Variants in CTPS2 observed in about 807,000 individuals in gnomAD.
CTPS2 encodes the protein CTP synthase II.
CTPS2 carries 19 observed loss-of-function variants against 46.8 expected under a neutral mutation model. The observed-to-expected ratio is 0.41, with a 90% CI of 0.28 to 0.60. CTPS2 has a LOEUF of 0.60. Ranked by LOEUF, CTPS2 falls within the 20% of genes least tolerant of loss-of-function variation. CTPS2 has a pLI of 0.35. For missense variants in CTPS2, 286 were observed against 447.6 expected (o/e 0.64, Z 3.26); for synonymous variants, 151 against 165.2 (o/e 0.91, Z 0.66).
intron 10 of CTPS2, among the ~76,000 whole-genome samples, chrX:16,674,644 C>T (rs1922082166): frequency 9.5e-6 from 1 of 104,815 alleles, no homozygotes. Flanking sequence ...CGAGACCATC[C>T]TGGCTAACAC....
intron 9 of CTPS2, among the ~76,000 whole-genome samples, chrX:16,681,803 C>G (rs1922767503): frequency 8.9e-6 from 1 of 111,832 alleles, no homozygotes; most frequent in South Asian, 3.7e-4. Flanking sequence ...CCTGGCTCAG[C>G]CTCCCAAAGG....
rs371933026 is a variant in CTPS2, at chrX:16,684,469, A to C, written c.873-1243T>G. Among the ~76,000 whole-genome samples the C allele has an allele frequency of 2.9e-5, 3 of 101,702 alleles. No individual in the cohort carries two copies. In the East Asian group the frequency reaches 9.3e-4, roughly 31 times the overall value. 88.3% of individuals were successfully genotyped at this position (101,702 alleles called of 115,157 possible). ...GGTTGCAGTGAGCCGAGATCGCACC[A>C]CTGCACTCCAGCCTAGGCCACAGAG... On this transcript the variant is annotated intron_variant, in intron 8 of 18. Transcript: ENST00000359276.
chrX:16,626,146 C>G (rs966211389), intron 14 of CTPS2, among the ~76,000 whole-genome samples: 2 of 111,176 alleles, frequency 1.8e-5, no homozygotes, highest in Non-Finnish European at 3.8e-5. Context: ...CTTTGGGAGA[C>G]CAAGGGGGGC....
chrX:16,702,032 G>A (rs1287439649), intron 2 of CTPS2, among the ~76,000 whole-genome samples: 2 of 110,349 alleles, frequency 1.8e-5, no homozygotes, highest in Non-Finnish European at 3.8e-5. Context: ...TTGGGGGTTG[G>A]TTTTTTGTTG....
chrX:16,654,662 TAGACATACC>T, intron 13 of CTPS2: 1 of 344,268 alleles, frequency 2.9e-6, no homozygotes, highest in Non-Finnish European at 5.1e-6. Context: ...AAGAAATTAT[TAGACATACC>T]TTACTTTGTT....
At chrX:16,597,887 T>C (rs1406272134) in intron 17 of CTPS2, among the ~76,000 whole-genome samples, 1 of 108,509 alleles carries the variant, frequency 9.2e-6, no homozygotes, top group Non-Finnish European at 1.9e-5. Context: ...TGGTTTGTAG[T>C]TCTCCTTGAA....
chrX:16,700,493 C>A (rs1418164345), intron 2 of CTPS2, among the ~76,000 whole-genome samples: 2 of 101,803 alleles, frequency 2.0e-5, no homozygotes, highest in Non-Finnish European at 4.0e-5. Context: ...ACCTGGGAGG[C>A]GGAGGTTGCA....
chrX:16,698,556 GTTTT>G (rs10604869), intron 3 of CTPS2, among the ~76,000 whole-genome samples: 2 of 104,826 alleles, frequency 1.9e-5, no homozygotes, highest in Admixed American at 1.0e-4. Context: ...GCTTTGTTTT[GTTTT>G]TTTTTTTTAA....
chrX:16,597,387 G>A (rs1231690629), intron 17 of CTPS2, among the ~76,000 whole-genome samples: 1 of 112,078 alleles, frequency 8.9e-6, no homozygotes, highest in Non-Finnish European at 1.9e-5. Flanking sequence ...GTAAGGAAGG[G>A]ATCCAGTTTC....
At chrX:16,688,058 C>T (rs953096344) in intron 8 of CTPS2, among the ~76,000 whole-genome samples, 3 of 111,123 alleles carry the variant, frequency 2.7e-5, no homozygotes, top group Non-Finnish European at 5.7e-5. Flanking sequence ...CACCTACTGG[C>T]GCTCACCTAA....
chrX:16,637,688 T>C (rs1402049918), intron 14 of CTPS2, among the ~76,000 whole-genome samples: 2 of 112,278 alleles, frequency 1.8e-5, no homozygotes, highest in Non-Finnish European at 3.8e-5. Flanking sequence ...CAAAGTTTCA[T>C]AGAATCTGAA....
chrX:16,600,358 G>A (rs1475814030), intron 17 of CTPS2, among the ~76,000 whole-genome samples: 5 of 111,701 alleles, frequency 4.5e-5, no homozygotes, highest in East Asian at 2.8e-4. Context: ...ATTAAAATCC[G>A]TTTCCTGTGA....
In CTPS2 at chrX:16,674,667, T is replaced by G. The variant is rs1421341533; in HGVS notation, c.1094+3695A>C. ...TCCTGGCTAACACGGTGAAACCCCG[T>G]CTCTACTAAAAATACAAAAAATTAG... On this transcript the variant is annotated intron_variant, in intron 10 of 18. Coordinates refer to ENST00000359276, the MANE Select transcript of CTPS2 (RefSeq NM_175859.3). Among the ~76,000 whole-genome samples, 5 of 103,890 alleles carry G rather than the reference T, an allele frequency of 4.8e-5. No individual in the cohort carries two copies. The East Asian group carries it at 1.3e-3, about 27-fold the overall frequency. The allele number at this position is 103,890 out of a possible 115,157, so 90.2% of individuals were successfully genotyped here. A position where few individuals can be genotyped will look rare whatever the true frequency, so the allele number is the denominator to read the frequency against.
At chrX:16,663,979 G>A (rs1331051910) in intron 13 of CTPS2, among the ~76,000 whole-genome samples, 1 of 110,735 alleles carries the variant, frequency 9.0e-6, no homozygotes, top group Non-Finnish European at 1.9e-5. Context: ...GGGACTACAG[G>A]CGCGTGCCAC....
At chrX:16,641,961 T>C (rs957789159) in intron 13 of CTPS2, among the ~76,000 whole-genome samples, 3 of 111,438 alleles carry the variant, frequency 2.7e-5, no homozygotes, top group Non-Finnish European at 5.6e-5. Context: ...AAGAATACTA[T>C]GAGATTATTT....
At chrX:16,591,038 A>G (rs953373829) in intron 17 of CTPS2, 176 bp from the exon 18 acceptor site, 8 of 334,773 alleles carry the variant, frequency 2.4e-5, no homozygotes, top group South Asian at 8.9e-5. Context: ...ATCACATGCA[A>G]TGGCCTCTTT....
intron 17 of CTPS2, 117 bp downstream of exon 17, chrX:16,609,423 GA>G (rs1930151365): frequency 2.7e-6 from 2 of 741,761 alleles, no homozygotes; most frequent in Admixed American, 6.3e-5. Context: ...ATGTTTAAGA[GA>G]AAAAAACTGA....
intron 1 of CTPS2, chrX:16,712,043 G>A (rs921678131): frequency 1.0e-4 from 11 of 110,076 alleles, no homozygotes; most frequent in Non-Finnish European, 2.1e-4. Context: ...GCGGAGGCGG[G>A]AAGAAGCGCG....
At chrX:16,618,826 A>G (rs1185987909) in intron 15 of CTPS2, among the ~76,000 whole-genome samples, 1 of 112,054 alleles carries the variant, frequency 8.9e-6, no homozygotes, top group Non-Finnish European at 1.9e-5. Flanking sequence ...TTTTAGATAC[A>G]AGTCCCTTAT....
Sources: allele counts gnomAD v4.1 joint callset (sites outside exome capture counted in the v4.1 genomes callset), GRCh38; gene constraint gnomAD v4.1.1; transcripts MANE v1.5; gene names NCBI Gene and HGNC (gene_info 2026-07-23, HGNC 2026-07-21).